EXOC4: variants seen among roughly 807,000 people sequenced by gnomAD.
EXOC4 encodes SEC8-like 1.
Under a neutral mutation model 107.2 loss-of-function variants are expected in EXOC4, and 71 were observed. The ratio of observed to expected loss-of-function variants is 0.66; its 90% CI spans 0.55 to 0.81. The LOEUF (loss-of-function observed/expected upper bound fraction) is 0.81. Ranked by LOEUF, EXOC4 falls within the 30% of genes least tolerant of loss-of-function variation. The probability of loss-of-function intolerance (pLI) is 0.00; values close to 1 mark genes in which losing one functional copy is unlikely to be tolerated. For missense variants in EXOC4, 1,108 were observed against 1,189.6 expected, an observed-to-expected ratio of 0.93 and a Z score of 1.01; for synonymous variants, 456 against 441.2, an observed-to-expected ratio of 1.03 and a Z score of -0.42.
chr7:133,267,934 C>G (rs573872811), intron 1 of EXOC4, among the ~76,000 whole-genome samples: 2 of 152,096 alleles, frequency 1.3e-5, no homozygotes, highest in Non-Finnish European at 2.9e-5. Context: ...GAGAAAAGGT[C>G]TGATCTCAGT....
intron 4 of EXOC4, among the ~76,000 whole-genome samples, chr7:133,307,020 G>A (rs1263858960): frequency 6.6e-6 from 1 of 152,130 alleles, no homozygotes; most frequent in African/African-American, 2.4e-5. Flanking sequence ...CTTTAGAATA[G>A]ACAGATCTTT....
chr7:133,548,511 A>G (rs1355801357), intron 9 of EXOC4, among the ~76,000 whole-genome samples: 2 of 152,178 alleles, frequency 1.3e-5, no homozygotes, highest in Non-Finnish European at 2.9e-5. Flanking sequence ...TTTCATCTAC[A>G]CTGAAAATCT....
intron 10 of EXOC4, among the ~76,000 whole-genome samples, chr7:133,770,355 G>A (rs954756511): frequency 4.0e-5 from 6 of 151,872 alleles, no homozygotes; most frequent in African/African-American, 1.2e-4. Flanking sequence ...TGATTCCAGA[G>A]CCCATGCTCT....
At chr7:133,947,429 T>C (rs563228582) in intron 14 of EXOC4, among the ~76,000 whole-genome samples, 1 of 152,308 alleles carries the variant, frequency 6.6e-6, no homozygotes, top group Admixed American at 6.5e-5. Context: ...TCTGAGGTCA[T>C]GGAAGTGTGT....
intron 10 of EXOC4, among the ~76,000 whole-genome samples, chr7:133,650,423 T>A (rs10488172): frequency 7.2e-5 from 11 of 152,172 alleles, no homozygotes; most frequent in African/African-American, 2.2e-4. Context: ...GTGCATTTCC[T>A]TTCTAGAATG....
chr7:133,413,698 A>T (rs1797412174), intron 7 of EXOC4, among the ~76,000 whole-genome samples: 1 of 152,104 alleles, frequency 6.6e-6, no homozygotes, highest in African/African-American at 2.4e-5. Context: ...TAAATAGGAG[A>T]TCATTCATAT....
At chr7:133,485,326 T>C (rs1305998698) in intron 9 of EXOC4, among the ~76,000 whole-genome samples, 1 of 151,846 alleles carries the variant, frequency 6.6e-6, no homozygotes, top group Non-Finnish European at 1.5e-5. Context: ...CTTTCCGCTG[T>C]TTTTCTTTTC....
intron 7 of EXOC4, among the ~76,000 whole-genome samples, chr7:133,388,913 C>T (rs1386531545): frequency 1.3e-5 from 2 of 152,146 alleles, no homozygotes; most frequent in Admixed American, 1.3e-4. Context: ...AAATTTTCCA[C>T]AGTGTGGCTG....
intron 15 of EXOC4, among the ~76,000 whole-genome samples, chr7:134,002,565 A>G (rs1352302479): frequency 6.6e-6 from 1 of 152,190 alleles, no homozygotes; most frequent in Non-Finnish European, 1.5e-5. Flanking sequence ...CAAAGTCCAT[A>G]TCTGATAAAG....
chr7:133,696,677 A>T (rs1441408553), intron 10 of EXOC4, among the ~76,000 whole-genome samples: 1 of 152,232 alleles, frequency 6.6e-6, no homozygotes, highest in Non-Finnish European at 1.5e-5. Flanking sequence ...TGACAAGAGA[A>T]TAACATAATT....
chr7:133,509,934 G>T (rs1799735945), intron 9 of EXOC4, among the ~76,000 whole-genome samples: 1 of 152,136 alleles, frequency 6.6e-6, no homozygotes, highest in East Asian at 1.9e-4. Context: ...TAGTGAAATA[G>T]TGTGTCTTTT....
chr7:133,506,492 T>A (rs1329073928), intron 9 of EXOC4, among the ~76,000 whole-genome samples: 2 of 152,142 alleles, frequency 1.3e-5, no homozygotes, highest in African/African-American at 4.8e-5. Flanking sequence ...TTTTGTATGT[T>A]GGGATTTCAC....
chr7:133,442,745 A>G (rs1025048413), intron 7 of EXOC4, among the ~76,000 whole-genome samples: 9 of 152,320 alleles, frequency 5.9e-5, no homozygotes, highest in African/African-American at 2.2e-4. Context: ...AGGGATTTGA[A>G]GGAATCGAAG....
chr7:133,304,020 G>A (rs1794699488), intron 3 of EXOC4, among the ~76,000 whole-genome samples: 1 of 152,164 alleles, frequency 6.6e-6, no homozygotes. Flanking sequence ...ATAAAATTCT[G>A]TATTTGGAAC....
intron 10 of EXOC4, among the ~76,000 whole-genome samples, chr7:133,784,143 C>G (rs1448449363): frequency 6.6e-6 from 1 of 152,070 alleles, no homozygotes; most frequent in East Asian, 1.9e-4. Flanking sequence ...ATTTGATTAA[C>G]ATATAGGCTT....
chr7:133,972,817 T>C (rs1052952639), intron 14 of EXOC4, among the ~76,000 whole-genome samples: 1 of 152,208 alleles, frequency 6.6e-6, no homozygotes, highest in African/African-American at 2.4e-5. Context: ...TTCCCTGTTT[T>C]TGCCTTTGAT....
At chr7:133,646,855 C>T (rs1033890462) in intron 10 of EXOC4, among the ~76,000 whole-genome samples, 8 of 152,066 alleles carry the variant, frequency 5.3e-5, no homozygotes, top group Non-Finnish European at 7.3e-5. Context: ...TTAGCATATC[C>T]TAAGAAACCC....
Position 133,511,469 on chromosome 7 carries a change from G to A in EXOC4, c.1417+31331G>A, listed in dbSNP as rs79982373. Among the ~76,000 whole-genome samples the A allele has an allele frequency of 2.4e-3, 368 of 152,234 alleles. 5 individuals carry two copies. Among genetic ancestry groups the A allele is most frequent in the African/African-American group, 8.3e-3 (344 of 41,532 alleles). ...CTCTCTGTCTCTGGTGATAAGGATT[G>A]TTCTTCATTTGCTGGCACGGGAGTA... On this transcript the variant is annotated intron_variant, in intron 9 of 17. Transcript: ENST00000253861.
chr7:133,635,361 C>T (rs1055712774), intron 10 of EXOC4, among the ~76,000 whole-genome samples: 8 of 152,022 alleles, frequency 5.3e-5, no homozygotes, highest in African/African-American at 1.7e-4. Context: ...TTATTTTTCT[C>T]TTTGTGTTTT....
Sources: allele counts gnomAD v4.1 joint callset (sites outside exome capture counted in the v4.1 genomes callset), GRCh38; gene constraint gnomAD v4.1.1; transcripts MANE v1.5; gene names NCBI Gene and HGNC (gene_info 2026-07-23, HGNC 2026-07-21).